OR2A12: variants seen among roughly 807,000 people sequenced by gnomAD.
OR2A12 encodes olfactory receptor 2A12.
For missense variants in OR2A12, 380 were observed against 372.5 expected (o/e 1.02, Z -0.17); for synonymous variants, 153 against 149.3 (o/e 1.02, Z -0.18).
In OR2A12 at chr7:144,096,211, T is replaced by C; in HGVS notation, c.*171T>C. On this transcript the variant is annotated 3_prime_UTR_variant, in exon 2 of 2. Coordinates refer to ENST00000641592, the MANE Select transcript of OR2A12 (RefSeq NM_001004135.2). Reference sequence around the variant, plus strand: ...GGCTGAAGCCTGTAATCCCAACACTTTGGGAGGCTGACCTGGGCGGATTAC... The same window carrying C: ...GGCTGAAGCCTGTAATCCCAACACTCTGGGAGGCTGACCTGGGCGGATTAC... 1 of 539,928 alleles carries C rather than the reference T, an allele frequency of 1.9e-6. No individual in the cohort carries two copies. Among genetic ancestry groups the C allele is most frequent in the South Asian group, 2.5e-5 (1 of 39,432 alleles). The allele number at this position is 539,928 out of a possible 1,614,324, so 33.4% of individuals were successfully genotyped here.
intron 1 of OR2A12, among the ~76,000 whole-genome samples, chr7:144,092,121 T>C (rs965128493): frequency 5.3e-5 from 8 of 152,160 alleles, no homozygotes; most frequent in Non-Finnish European, 1.2e-4. Context: ...GCTTTCCCCA[T>C]TGCTTTTTTC....
Position 144,094,859 on chromosome 7 carries a change from G to A in OR2A12, c.-51-198G>A, listed in dbSNP as rs528000043. On this transcript the variant is annotated intron_variant, in intron 1 of 1. Coordinates refer to ENST00000641592, the MANE Select transcript of OR2A12 (RefSeq NM_001004135.2). Reference sequence around the variant, plus strand: ...CTTCTATTTTTCTCAAAAGAATCTAGAGACACCAATTTTATCATGAAATCG... The same window carrying A: ...CTTCTATTTTTCTCAAAAGAATCTAAAGACACCAATTTTATCATGAAATCG... Among the ~76,000 whole-genome samples the A allele has an allele frequency of 4.6e-5, 7 of 152,152 alleles. No homozygotes were observed. The East Asian group carries it at 1.4e-3, about 29-fold the overall frequency.
intron 1 of OR2A12, among the ~76,000 whole-genome samples, chr7:144,092,446 T>C (rs2051233359): frequency 6.6e-6 from 1 of 152,210 alleles, no homozygotes; most frequent in African/African-American, 2.4e-5. Flanking sequence ...ATTTGAACAA[T>C]ATTGATTCTT....
chr7:144,089,983 A>G (rs547945098), intron 1 of OR2A12, among the ~76,000 whole-genome samples: 1 of 152,294 alleles, frequency 6.6e-6, no homozygotes, highest in South Asian at 2.1e-4. Context: ...TTGAGGATCT[A>G]TAGGTCCTCA....
rs931339146 is a variant in OR2A12, at chr7:144,098,882, G to A, written c.*2842G>A. ...AAAGTTATCAGGATCATTGAAGGAG[G>A]ACTTTCTTTCTCTCTTTCTTCCTTT... On this transcript the variant is annotated 3_prime_UTR_variant, in exon 2 of 2. Coordinates refer to ENST00000641592, the MANE Select transcript of OR2A12 (RefSeq NM_001004135.2). 3.3e-5 allele frequency: 5 copies of A among 151,918 alleles called. No homozygotes were observed. The highest frequency in any genetic ancestry group is 1.2e-4 in the African/African-American group (5 of 41,382). The allele number at this position is 151,918 out of a possible 1,614,324, so 9.4% of individuals were successfully genotyped here.
Position 144,095,318 on chromosome 7 carries a change from T to C in OR2A12, c.211T>C (p.Ser71Pro). Residue 71 changes from serine to proline, a missense_variant, in exon 2 of 2, where the codon TCC (serine) becomes CCC (proline). By Grantham distance (74) the Ser-to-Pro change is moderately conservative. Transcript: ENST00000641592. ...GTCACACCTGGCCATTGTGGACATG[T>C]CCTATGCCTCGAGTACTGTCCCTAA... is the stretch of plus-strand genomic sequence containing the variant. ...FLSHLAIVDM[S>P]YASSTVPKML... is the part of the protein sequence containing the mutation. 6.2e-7 allele frequency: 1 copy of C among 1,613,886 alleles called. No homozygotes were observed. The highest frequency in any genetic ancestry group is 8.5e-7 in the Non-Finnish European group (1 of 1,179,790).
rs987471428 is a variant in OR2A12, at chr7:144,095,887, C to T, written c.780C>T (p.Ala260=). 6.8e-6 allele frequency: 11 copies of T among 1,614,028 alleles called. No individual in the cohort carries two copies. The highest frequency in any genetic ancestry group is 8.5e-6 in the Non-Finnish European group (10 of 1,180,006). ...FFGSAIVMYM[A]PKSSHSQERR... is the part of the protein sequence containing the mutation. Reference sequence around the variant, plus strand: ...GCAGCGCCATTGTCATGTACATGGCCCCCAAGTCAAGCCATTCTCAAGAAC... The same window carrying T: ...GCAGCGCCATTGTCATGTACATGGCTCCCAAGTCAAGCCATTCTCAAGAAC... The change falls in exon 2 of 2, where the codon GCC becomes GCT. Residue 260 remains alanine, a synonymous_variant. Coordinates refer to ENST00000641592, the MANE Select transcript of OR2A12 (RefSeq NM_001004135.2).
At chr7:144,094,365 C>T (rs2051247184) in intron 1 of OR2A12, among the ~76,000 whole-genome samples, 2 of 152,130 alleles carry the variant, frequency 1.3e-5, no homozygotes, top group South Asian at 4.1e-4. Context: ...TGTTTTAAAA[C>T]TTCTTTCATG....
At chr7:144,087,782 G>A (rs1186021529) in intron 1 of OR2A12, among the ~76,000 whole-genome samples, 4 of 152,086 alleles carry the variant, frequency 2.6e-5, no homozygotes, top group Non-Finnish European at 5.9e-5. Context: ...TTTAAGAAAC[G>A]TTCGCTACTC....
At position 144,095,734 on chromosome 7, in the gene OR2A12, G is replaced by T. The variant is rs767039928; in HGVS notation, c.627G>T (p.Pro209=). Residue 209 remains proline (P), a synonymous_variant, in exon 2 of 2, where the codon CCG becomes CCT. Transcript: ENST00000641592. The part of the protein sequence containing the change: ...FAGSAFILVG[P]LCLVLVSYLH... ...GTTCTGCGTTCATCTTAGTGGGGCC[G>T]CTCTGCCTGGTGCTGGTCTCCTACT... 1 of 1,614,076 alleles carries T rather than the reference G, an allele frequency of 6.2e-7. No individual in the cohort carries two copies. The highest frequency in any genetic ancestry group is 1.1e-5 in the South Asian group (1 of 91,082).
chr7:144,095,815 C>T lies in OR2A12; in HGVS notation c.708C>T (p.Ala236=), dbSNP rs747564117. 92 of 1,614,096 alleles carry T rather than the reference C, an allele frequency of 5.7e-5. No individual in the cohort carries two copies. Among genetic ancestry groups the T allele is most frequent in the Non-Finnish European group, 3.6e-5 (42 of 1,180,006 alleles). Residue 236 remains alanine, a synonymous_variant, in exon 2 of 2, where the codon GCC becomes GCT. Coordinates refer to ENST00000641592, the MANE Select transcript of OR2A12 (RefSeq NM_001004135.2). The part of the protein sequence containing the change: ...RIQSGEGRRK[A]FSTCSSHLCV... ...AGTCTGGGGAGGGCCGCAGAAAGGC[C>T]TTCTCTACCTGCTCCTCCCACCTCT...
chr7:144,095,601 TG>T lies in OR2A12; in HGVS notation c.495del (p.Pro166LeufsTer41), dbSNP rs1162742145. The T allele has an allele frequency of 2.9e-5, 47 of 1,614,026 alleles. No homozygotes were observed. The highest frequency in any genetic ancestry group is 3.8e-5 in the Non-Finnish European group (45 of 1,180,034). ...GTCCATATTACTCTTATTCTGAGGC[TG>T]CCTTTTTGTGGCCCACAAAAGATCA... ...ALVHITLILR[L>X]PFCGPQKINH... On this transcript the variant is annotated frameshift_variant, in exon 2 of 2. Transcript: ENST00000641592. LOFTEE classifies it low-confidence loss of function (END_TRUNC).
Position 144,098,510 on chromosome 7 carries a change from G to A in OR2A12, c.*2470G>A, listed in dbSNP as rs1057294654. On this transcript the variant is annotated 3_prime_UTR_variant, in exon 2 of 2. Coordinates refer to ENST00000641592, the MANE Select transcript of OR2A12 (RefSeq NM_001004135.2). ...TTTCTATTTTGCACATGAGAAGATC[G>A]AGGAACACAGAGGTTGAGTAACTTA... 1.3e-5 allele frequency: 2 copies of A among 152,212 alleles called. No individual in the cohort carries two copies. The highest frequency in any genetic ancestry group is 1.9e-4 in the East Asian group (1 of 5,184). The allele number at this position is 152,212 out of a possible 1,614,324, so 9.4% of individuals were successfully genotyped here.
intron 1 of OR2A12, among the ~76,000 whole-genome samples, chr7:144,092,516 C>G (rs908484605): frequency 6.6e-6 from 1 of 152,094 alleles, no homozygotes; most frequent in African/African-American, 2.4e-5. Context: ...TATCTTTGAA[C>G]AGTGTTTTGT....
intron 1 of OR2A12, 126 bp from the exon 2 acceptor site, chr7:144,094,931 A>G (rs1308097813): frequency 3.9e-6 from 2 of 507,720 alleles, no homozygotes; most frequent in Non-Finnish European, 6.9e-6. Context: ...AAATATCTCT[A>G]AAAGCCAAAT....
rs2051276047 is a variant in OR2A12, at chr7:144,097,594, A to G, written c.*1554A>G. The G allele has an allele frequency of 6.6e-6, 1 of 152,200 alleles. No homozygotes were observed. The highest frequency in any genetic ancestry group is 2.4e-5 in the African/African-American group (1 of 41,436). The allele number at this position is 152,200 out of a possible 1,614,324, so 9.4% of individuals were successfully genotyped here. A position where few individuals can be genotyped will look rare whatever the true frequency, so the allele number is the denominator to read the frequency against. ...AACGTGGGAGGATTTGATCCTTCAG[A>G]TATCAAAACACACTATATAGTGCTA... On this transcript the variant is annotated 3_prime_UTR_variant, in exon 2 of 2. Transcript: ENST00000641592.
rs1586902901 is a variant in OR2A12, at chr7:144,096,648, T to C, written c.*608T>C. The C allele has an allele frequency of 1.3e-5, 2 of 152,312 alleles. No individual in the cohort carries two copies. Among genetic ancestry groups the C allele is most frequent in the Non-Finnish European group, 2.9e-5 (2 of 68,066 alleles). The allele number at this position is 152,312 out of a possible 1,614,324, so 9.4% of individuals were successfully genotyped here. A position where few individuals can be genotyped will look rare whatever the true frequency, so the allele number is the denominator to read the frequency against. On this transcript the variant is annotated 3_prime_UTR_variant, in exon 2 of 2. Transcript: ENST00000641592. ...ATCAGAATGAAGTAAGGATGTATTA[T>C]AATGAAACTATGTATACCCTTAAAA...
intron 1 of OR2A12, among the ~76,000 whole-genome samples, chr7:144,091,057 G>A (rs942976873): frequency 6.6e-6 from 1 of 152,208 alleles, no homozygotes; most frequent in African/African-American, 2.4e-5. Context: ...CCAGCAATGG[G>A]ATTGCTGAGT....
In OR2A12 at chr7:144,096,199, A is replaced by T; in HGVS notation, c.*159A>T. On this transcript the variant is annotated 3_prime_UTR_variant, in exon 2 of 2. Transcript: ENST00000641592. ...GCCTGGCGTGGTGGCTGAAGCCTGT[A>T]ATCCCAACACTTTGGGAGGCTGACC... 1 of 587,836 alleles carries T rather than the reference A, an allele frequency of 1.7e-6. No homozygotes were observed. The highest frequency in any genetic ancestry group is 2.9e-6 in the Non-Finnish European group (1 of 344,974). 36.4% of individuals were successfully genotyped at this position (587,836 alleles called of 1,614,324 possible). A position where few individuals can be genotyped will look rare whatever the true frequency, so the allele number is the denominator to read the frequency against.
Sources: gnomAD v4.1 joint callset for allele counts (sites outside exome capture counted in the v4.1 genomes callset) on GRCh38, gnomAD v4.1.1 for gene constraint, MANE v1.5 for transcripts, NCBI Gene and HGNC (gene_info 2026-07-23, HGNC 2026-07-21) for gene names.